DNAH5: variants seen among roughly 807,000 people sequenced by gnomAD.
DNAH5 encodes the protein axonemal beta dynein heavy chain 5.
DNAH5 carries 372 observed loss-of-function variants against 518.2 expected under a neutral mutation model. The ratio of observed to expected loss-of-function variants is 0.72; its 90% CI spans 0.66 to 0.78. The LOEUF (loss-of-function observed/expected upper bound fraction) is 0.78, where lower values mean the gene tolerates loss of function less well. Ranked by LOEUF, DNAH5 falls within the 30% of genes least tolerant of loss-of-function variation. DNAH5 has a pLI of 0.00. For missense variants in DNAH5, 5,523 were observed against 5,687.0 expected (o/e 0.97, Z 0.93); for synonymous variants, 2,039 against 2,025.9 (o/e 1.01, Z -0.17).
chr5:13,990,421 C>T lies in DNAH5; in HGVS notation c.12+21227G>A, dbSNP rs953211313. 7.2e-5 allele frequency among the ~76,000 whole-genome samples: 11 copies of T among 151,950 alleles called. 1 individual carries two copies. The highest frequency in any genetic ancestry group is 5.8e-4 in the East Asian group (3 of 5,176). On this transcript the variant is annotated intron_variant, in intron 1 of 78. Coordinates refer to the DNAH5 transcript ENST00000681290. ...CGAAAAAATTAGCTGGGCGTGGTGG[C>T]GGGCGCCTATAGTCCCAGCTACTCG...
At chr5:13,997,061 T>G (rs1307321671) in intron 1 of DNAH5, among the ~76,000 whole-genome samples, 1 of 152,116 alleles carries the variant, frequency 6.6e-6, no homozygotes, top group Non-Finnish European at 1.5e-5. Flanking sequence ...GCCTGCAGAG[T>G]TAGCATCATG....
At chr5:13,957,733 C>T (rs865774130) in intron 1 of DNAH5, among the ~76,000 whole-genome samples, 1 of 151,662 alleles carries the variant, frequency 6.6e-6, no homozygotes, top group African/African-American at 2.4e-5. Context: ...TGATTTTGAT[C>T]ATTTCCTCTC....
chr5:13,823,352 AG>A lies in DNAH5; in HGVS notation c.6597del (p.Leu2200CysfsTer3). 6.2e-7 allele frequency: 1 copy of A among 1,612,914 alleles called. No homozygotes were observed. Among genetic ancestry groups the A allele is most frequent in the Non-Finnish European group, 8.5e-7 (1 of 1,178,938 alleles). ...NLSKLIDEDE[P>X]LFLSLIEDLF... The stretch of plus-strand genomic sequence containing the variant: ...AGATCTTCAATCAAACTCAAAAACA[AG>A]GGTTCATCCTCATCAATCTAAAAAA... On this transcript the variant is annotated frameshift_variant, in exon 40 of 79. Coordinates refer to ENST00000265104, the MANE Select transcript of DNAH5 (RefSeq NM_001369.3). LOFTEE classifies it high-confidence loss of function.
chr5:13,976,616 CTTA>C (rs2152062275), intron 1 of DNAH5, among the ~76,000 whole-genome samples: 1 of 151,826 alleles, frequency 6.6e-6, no homozygotes, highest in South Asian at 2.1e-4. Flanking sequence ...TTGTTAATCT[CTTA>C]TTGTATCTAA....
intron 1 of DNAH5, among the ~76,000 whole-genome samples, chr5:13,964,885 A>G (rs1781427840): frequency 1.3e-5 from 2 of 152,208 alleles, no homozygotes; most frequent in African/African-American, 4.8e-5. Flanking sequence ...GTCATTTCTC[A>G]CCCTAAATCT....
intron 47 of DNAH5, among the ~76,000 whole-genome samples, chr5:13,799,815 C>G (rs1174290433): frequency 6.6e-6 from 1 of 152,056 alleles, no homozygotes; most frequent in East Asian, 1.9e-4. Flanking sequence ...AACATAAAAG[C>G]CATTTGTGTT....
intron 31 of DNAH5, among the ~76,000 whole-genome samples, chr5:13,849,593 A>C (rs6859833): frequency 0.37 from 56,637 of 152,006 alleles, 10,851 homozygotes; most frequent in South Asian, 0.47. Context: ...TCTTTGCTCT[A>C]TAAATCTAAG....
At chr5:13,759,412 G>A (rs1409300066) in intron 60 of DNAH5, among the ~76,000 whole-genome samples, 1 of 152,108 alleles carries the variant, frequency 6.6e-6, no homozygotes, top group Non-Finnish European at 1.5e-5. Context: ...ATGTATATAG[G>A]TAAATTATAA....
intron 1 of DNAH5, among the ~76,000 whole-genome samples, chr5:13,993,745 C>T (rs549267738): frequency 2.6e-5 from 4 of 152,284 alleles, no homozygotes; most frequent in Non-Finnish European, 4.4e-5. Flanking sequence ...AATGTACAGA[C>T]GTGCCCCACG....
rs779993876 is a variant in DNAH5 at position 13,717,314 on chromosome 5, C to A, written c.12705+1G>T. The A allele has an allele frequency of 6.2e-7, 1 of 1,613,454 alleles. No homozygotes were observed. On this transcript the variant is annotated splice_donor_variant, in intron 73 of 78. Coordinates refer to ENST00000265104, the MANE Select transcript of DNAH5 (RefSeq NM_001369.3). LOFTEE classifies it high-confidence loss of function. ...GCATGAGGCAGCATGCGCGGCAGTA[C>A]CTTTTTGACATCCATGTCATCCAAG...
At chr5:13,881,634 TG>T (rs1413909080) in intron 21 of DNAH5, among the ~76,000 whole-genome samples, 55 of 151,722 alleles carry the variant, frequency 3.6e-4, no homozygotes, top group African/African-American at 1.3e-3. Flanking sequence ...CTGAGACAAA[TG>T]AGAATGGAAA....
At chr5:13,821,814 A>T (rs1762276330) in intron 40 of DNAH5, among the ~76,000 whole-genome samples, 1 of 152,034 alleles carries the variant, frequency 6.6e-6, no homozygotes, top group Non-Finnish European at 1.5e-5. Context: ...TTTTTTAGAG[A>T]TAGAGTCTCA....
At chr5:13,725,650 C>T (rs1745621111) in intron 70 of DNAH5, among the ~76,000 whole-genome samples, 1 of 152,040 alleles carries the variant, frequency 6.6e-6, no homozygotes, top group East Asian at 1.9e-4. Context: ...GTGCCAACCT[C>T]CCTTTGTTGA....
chr5:13,975,305 C>A (rs942146330), intron 1 of DNAH5, among the ~76,000 whole-genome samples: 2 of 152,132 alleles, frequency 1.3e-5, no homozygotes, highest in Non-Finnish European at 2.9e-5. Context: ...GTGGGGGAAA[C>A]CATCCCCATG....
In DNAH5 at chr5:13,733,938, G is replaced by T. The variant is rs138074070; in HGVS notation, c.11761+1193C>A. On this transcript the variant is annotated intron_variant, in intron 68 of 78. Coordinates refer to ENST00000265104, the MANE Select transcript of DNAH5 (RefSeq NM_001369.3). ...ATCTCTAAAGACTTGGTTTAGAAAGGTATACTAGATGAATCTATTTAGACC... is the reference window on the plus strand; with the variant it reads ...ATCTCTAAAGACTTGGTTTAGAAAGTTATACTAGATGAATCTATTTAGACC... Among the ~76,000 whole-genome samples the T allele has an allele frequency of 2.4e-3, 369 of 151,984 alleles. 7 individuals carry two copies. In the East Asian group the frequency reaches 0.054, roughly 22 times the overall value.
intron 47 of DNAH5, 75 bp downstream of exon 47, chr5:13,807,516 C>A: frequency 7.1e-7 from 1 of 1,401,350 alleles, no homozygotes; most frequent in South Asian, 1.2e-5. Context: ...TCAATTGAAG[C>A]AGAATAGTAG....
At chr5:13,708,543 T>C (rs919091810) in intron 75 of DNAH5, among the ~76,000 whole-genome samples, 4 of 151,266 alleles carry the variant, frequency 2.6e-5, no homozygotes, top group Non-Finnish European at 4.4e-5. Context: ...TTTCATGCCA[T>C]GTGGGAAGGA....
intron 58 of DNAH5, among the ~76,000 whole-genome samples, chr5:13,767,619 G>A (rs1242561336): frequency 2.0e-5 from 3 of 152,192 alleles, no homozygotes; most frequent in African/African-American, 7.2e-5. Context: ...AAATGTAAGG[G>A]CTAGGCATGC....
chr5:13,757,027 G>A (rs34789506), intron 61 of DNAH5, among the ~76,000 whole-genome samples: 32,280 of 152,144 alleles, frequency 0.21, 3,613 homozygotes, highest in Admixed American at 0.27. Flanking sequence ...TTCCTGAAAG[G>A]ACACAATCTC....
Sources: gnomAD v4.1 joint callset for allele counts (sites outside exome capture counted in the v4.1 genomes callset) on GRCh38, gnomAD v4.1.1 for gene constraint, MANE v1.5 for transcripts, NCBI Gene and HGNC (gene_info 2026-07-23, HGNC 2026-07-21) for gene names.